TRAPPC9: variants seen among roughly 807,000 people sequenced by gnomAD.
TRAPPC9 encodes trafficking protein particle complex subunit 9, also known as IKK2 binding protein.
A neutral mutation model predicts 124.0 loss-of-function variants in TRAPPC9; 83 were observed. The observed-to-expected ratio is 0.67, with a 90% CI of 0.56 to 0.80. TRAPPC9 has a LOEUF of 0.80. TRAPPC9 is among the 30% of genes least tolerant of loss of function. TRAPPC9 has a pLI of 0.00. For missense variants in TRAPPC9, 1,302 were observed against 1,508.3 expected (o/e 0.86, Z 2.27); for synonymous variants, 638 against 617.5 (o/e 1.03, Z -0.49).
At chr8:140,351,136 C>G (rs2067557956) in intron 9 of TRAPPC9, among the ~76,000 whole-genome samples, 1 of 144,912 alleles carries the variant, frequency 6.9e-6, no homozygotes, top group South Asian at 2.3e-4. Context: ...CGTGGGTAGT[C>G]AGGTAAAGGA....
intron 18 of TRAPPC9, among the ~76,000 whole-genome samples, chr8:139,992,148 A>T (rs1041598554): frequency 2.0e-5 from 3 of 152,256 alleles, no homozygotes; most frequent in African/African-American, 7.2e-5. Context: ...CAATTACAAG[A>T]CAAACTTTTT....
chr8:139,910,498 T>C (rs1038092670), intron 19 of TRAPPC9, among the ~76,000 whole-genome samples, 198 bp from the exon 20 acceptor site: 3 of 152,166 alleles, frequency 2.0e-5, no homozygotes, highest in Non-Finnish European at 4.4e-5. Context: ...AACACACAAT[T>C]TGGAGCTGAA....
chr8:140,030,090 T>C (rs7007498), intron 17 of TRAPPC9, among the ~76,000 whole-genome samples: 21,035 of 152,162 alleles, frequency 0.14, 1,684 homozygotes, highest in African/African-American at 0.22. Flanking sequence ...AAAACCCATT[T>C]ATAGTTTTTT....
intron 21 of TRAPPC9, among the ~76,000 whole-genome samples, chr8:139,786,910 C>A (rs1822293133): frequency 6.6e-6 from 1 of 151,984 alleles, no homozygotes; most frequent in Non-Finnish European, 1.5e-5. Flanking sequence ...CAGAAAGGAG[C>A]AGGAGGGAGC....
intron 8 of TRAPPC9, among the ~76,000 whole-genome samples, chr8:140,363,932 G>T (rs980303737): frequency 2.6e-5 from 4 of 152,236 alleles, no homozygotes; most frequent in Non-Finnish European, 4.4e-5. Context: ...CAAATCATGG[G>T]AAGTGTTATA....
At chr8:140,359,051 G>A (rs1772634576) in intron 9 of TRAPPC9, among the ~76,000 whole-genome samples, 1 of 152,182 alleles carries the variant, frequency 6.6e-6, no homozygotes, top group African/African-American at 2.4e-5. Flanking sequence ...TTCAACTGCT[G>A]GTCAGTGAGG....
chr8:140,136,377 A>T (rs1421156378), intron 17 of TRAPPC9, among the ~76,000 whole-genome samples: 1 of 152,160 alleles, frequency 6.6e-6, no homozygotes, highest in East Asian at 1.9e-4. Flanking sequence ...CAAGCAGGAC[A>T]AACTCCCCGC....
intron 17 of TRAPPC9, chr8:140,096,121 C>T (rs1256512996): frequency 6.6e-6 from 1 of 152,180 alleles, no homozygotes; most frequent in Non-Finnish European, 1.5e-5. Flanking sequence ...CCAGAGTCCA[C>T]CCATAAGTGT....
chr8:139,899,971 T>C (rs6982104), intron 20 of TRAPPC9, among the ~76,000 whole-genome samples: 70,007 of 151,964 alleles, frequency 0.46, 17,418 homozygotes, highest in African/African-American at 0.67. Context: ...GTGTTCTAGA[T>C]GTACAAGGCC....
At chr8:140,458,540 G>A, upstream of TRAPPC9, 1 of 1,581,868 alleles carries the variant, frequency 6.3e-7, no homozygotes, top group Non-Finnish European at 8.6e-7. Context: ...TGTGGCGCGC[G>A]GTCTTGATCC....
chr8:140,396,630 TC>T (rs897099858), intron 7 of TRAPPC9, among the ~76,000 whole-genome samples: 1 of 150,618 alleles, frequency 6.6e-6, no homozygotes, highest in African/African-American at 2.4e-5. Context: ...ATTTGGTCTC[TC>T]CCAGTGATGT....
In TRAPPC9 at chr8:139,732,044, C is replaced by T. The variant is rs762076098; in HGVS notation, c.3214G>A (p.Val1072Met). Residue 1072 changes from valine (V) to methionine (M), a missense_variant, in exon 22 of 23, where the codon GTG becomes ATG. Physicochemically the swap from Val to Met is conservative, Grantham distance 21. Around this residue, in one of 3 missense-constraint regions of TRAPPC9, gnomAD observed 640 missense variants for 679.3 expected, o/e 0.94. Coordinates refer to ENST00000438773, the MANE Select transcript of TRAPPC9 (RefSeq NM_001160372.4). ...VVPFQDHQNG[V>M]HNYDLHDTVS... ...GTGTCGTGCAGGTCGTAGTTGTGCACGCCGTTCTGGTGGTCCTGGAAGGGG... is the reference window on the plus strand; with the variant it reads ...GTGTCGTGCAGGTCGTAGTTGTGCATGCCGTTCTGGTGGTCCTGGAAGGGG... 1.6e-5 allele frequency: 25 copies of T among 1,604,570 alleles called. No homozygotes were observed. The highest frequency in any genetic ancestry group is 3.4e-5 in the South Asian group (3 of 89,156).
At chr8:139,778,878 T>C (rs1821578998) in intron 21 of TRAPPC9, among the ~76,000 whole-genome samples, 1 of 152,074 alleles carries the variant, frequency 6.6e-6, no homozygotes, top group Admixed American at 6.5e-5. Flanking sequence ...GGTCAAAATT[T>C]TCCCCAAATC....
chr8:140,214,420 CCAGAG>C, intron 17 of TRAPPC9, among the ~76,000 whole-genome samples: 1 of 152,318 alleles, frequency 6.6e-6, no homozygotes, highest in South Asian at 2.1e-4. Flanking sequence ...CCTGCCTAGT[CCAGAG>C]CTGCTCTTGT....
chr8:139,840,938 C>T (rs1826686766), intron 21 of TRAPPC9, among the ~76,000 whole-genome samples: 1 of 152,118 alleles, frequency 6.6e-6, no homozygotes, highest in Admixed American at 6.5e-5. Context: ...GATCTGATGC[C>T]TCGGGTCTGG....
intron 19 of TRAPPC9, chr8:139,933,509 G>C (rs61997213): frequency 1.8e-4 from 27 of 152,286 alleles, no homozygotes; most frequent in African/African-American, 6.3e-4. Context: ...ACAGGCCACG[G>C]AAACCACAGG....
chr8:140,077,080 C>T (rs1266289869), intron 17 of TRAPPC9, among the ~76,000 whole-genome samples: 2 of 151,924 alleles, frequency 1.3e-5, no homozygotes, highest in African/African-American at 4.8e-5. Flanking sequence ...GCAGGAGGAT[C>T]GCTTGAACCC....
chr8:139,756,534 AG>A (rs1819805996), intron 21 of TRAPPC9, among the ~76,000 whole-genome samples: 1 of 146,204 alleles, frequency 6.8e-6, no homozygotes, highest in Non-Finnish European at 1.5e-5. Context: ...AGCAGGTCGC[AG>A]GAGGAGCCAG....
At chr8:140,259,097 G>T (rs191294863) in intron 15 of TRAPPC9, among the ~76,000 whole-genome samples, 1 of 152,296 alleles carries the variant, frequency 6.6e-6, no homozygotes, top group African/African-American at 2.4e-5. Context: ...GCAACATCGT[G>T]GGATGGGCAC....
Sources: allele counts gnomAD v4.1 joint callset (sites outside exome capture counted in the v4.1 genomes callset), GRCh38; gene constraint gnomAD v4.1.1; regional missense constraint gnomAD v4.1.1; transcripts MANE v1.5; gene names NCBI Gene and HGNC (gene_info 2026-07-23, HGNC 2026-07-21).